The following PTN variants were observed in gnomAD, a reference collection of about 807,000 sequenced individuals.
PTN encodes heparin affin regulatory protein.
In PTN, 18 loss-of-function variants were observed where a neutral mutation model predicts 24.1. The ratio of observed to expected loss-of-function variants is 0.75; its 90% CI spans 0.52 to 1.11. The LOEUF (loss-of-function observed/expected upper bound fraction) is 1.11. PTN is among the 50% of genes least tolerant of loss of function. PTN has a pLI of 0.00. For synonymous variants in PTN, 78 were observed against 68.6 expected (o/e 1.14, Z -0.67); for missense variants, 163 against 198.8 (o/e 0.82, Z 1.08).
intron 1 of PTN, among the ~76,000 whole-genome samples, chr7:137,283,492 G>T (rs1266441795): frequency 6.6e-6 from 1 of 152,170 alleles, no homozygotes; most frequent in Non-Finnish European, 1.5e-5. Context: ...TATTCAGAGT[G>T]TTGCTTTGGG....
chr7:137,230,739 T>C (rs1254240303), intron 4 of PTN, among the ~76,000 whole-genome samples: 4 of 151,878 alleles, frequency 2.6e-5, no homozygotes, highest in South Asian at 2.1e-4. Context: ...TTACCTAGTA[T>C]ACATGATGGG....
chr7:137,311,205 C>G (rs1352108263), intron 1 of PTN, among the ~76,000 whole-genome samples: 2 of 145,992 alleles, frequency 1.4e-5, no homozygotes, highest in Non-Finnish European at 3.0e-5. Context: ...GCACACCAGC[C>G]TGGGTGACAG....
chr7:137,272,027 T>C (rs550320544), intron 1 of PTN, among the ~76,000 whole-genome samples: 2 of 152,314 alleles, frequency 1.3e-5, no homozygotes, highest in East Asian at 3.9e-4. Context: ...TTATACAAAG[T>C]CAATAAATGG....
At chr7:137,297,262 G>A (rs1396806892) in intron 1 of PTN, among the ~76,000 whole-genome samples, 1 of 152,058 alleles carries the variant, frequency 6.6e-6, no homozygotes, top group Admixed American at 6.6e-5. Context: ...TATAGTCTGT[G>A]GGATAAAGGG....
At chr7:137,325,786 C>G (rs1383112030) in intron 1 of PTN, 1 of 152,134 alleles carries the variant, frequency 6.6e-6, no homozygotes, top group Non-Finnish European at 1.5e-5. Context: ...AAAGAGCTGG[C>G]ATCTCTGCAT....
chr7:137,260,447 T>A (rs1248474783), intron 1 of PTN, among the ~76,000 whole-genome samples: 1 of 152,174 alleles, frequency 6.6e-6, no homozygotes, highest in Non-Finnish European at 1.5e-5. Context: ...ACTCATATAG[T>A]AATTATTTAT....
intron 1 of PTN, among the ~76,000 whole-genome samples, chr7:137,321,046 G>A (rs1426243213): frequency 1.3e-5 from 2 of 152,154 alleles, no homozygotes; most frequent in African/African-American, 2.4e-5. Context: ...CAGGTGTCCC[G>A]TTCAGAGCAT....
At chr7:137,342,389 C>T (rs141357012) in intron 1 of PTN, among the ~76,000 whole-genome samples, 3 of 152,202 alleles carry the variant, frequency 2.0e-5, no homozygotes, top group Admixed American at 6.5e-5. Context: ...GCTCAAGGAC[C>T]GCAGCTTTAA....
chr7:137,250,342 T>C (rs952110877), intron 4 of PTN, among the ~76,000 whole-genome samples: 9 of 152,322 alleles, frequency 5.9e-5, no homozygotes, highest in Admixed American at 2.0e-4. Flanking sequence ...TAGATGGCAT[T>C]CTTCTCCCTC....
chr7:137,227,944 C>A lies in PTN; in HGVS notation c.*76G>T. The A allele has an allele frequency of 1.3e-6, 2 of 1,560,192 alleles. No homozygotes were observed. The highest frequency in any genetic ancestry group is 1.7e-6 in the Non-Finnish European group (2 of 1,158,082). ...TATAGATAATTTTTGAATACAAAGC[C>A]TACGGTACATATAAATGCAATAGTT... On this transcript the variant is annotated 3_prime_UTR_variant, in exon 5 of 5. Transcript: ENST00000348225.
intron 1 of PTN, among the ~76,000 whole-genome samples, chr7:137,315,645 A>T (rs1364688145): frequency 6.6e-6 from 1 of 152,112 alleles, no homozygotes; most frequent in Non-Finnish European, 1.5e-5. Flanking sequence ...CCACCTAGTG[A>T]CTCTGGGCTT....
At chr7:137,237,865 T>A (rs990611101) in intron 4 of PTN, among the ~76,000 whole-genome samples, 8 of 152,170 alleles carry the variant, frequency 5.3e-5, no homozygotes, top group Non-Finnish European at 1.2e-4. Flanking sequence ...TAGGTGAAGA[T>A]CTGAAAATGT....
intron 4 of PTN, among the ~76,000 whole-genome samples, 170 bp downstream of exon 4, chr7:137,251,060 C>G (rs947578697): frequency 1.3e-5 from 2 of 152,176 alleles, no homozygotes; most frequent in Non-Finnish European, 2.9e-5. Flanking sequence ...CACAGGCTGC[C>G]TGCTTCAAAG....
chr7:137,279,128 A>C (rs2128875710), intron 1 of PTN, among the ~76,000 whole-genome samples: 1 of 151,932 alleles, frequency 6.6e-6, no homozygotes, highest in South Asian at 2.1e-4. Context: ...ATATACCAAT[A>C]TCCTAATAAA....
intron 1 of PTN, among the ~76,000 whole-genome samples, chr7:137,323,429 T>C (rs911316967): frequency 4.6e-5 from 7 of 152,204 alleles, no homozygotes; most frequent in Non-Finnish European, 1.0e-4. Context: ...AATTTTACTA[T>C]GGTAAAGTGA....
intron 1 of PTN, among the ~76,000 whole-genome samples, chr7:137,296,502 TG>T (rs1809720325): frequency 6.6e-6 from 1 of 152,032 alleles, no homozygotes; most frequent in Admixed American, 6.6e-5. Context: ...CTCTACCAAT[TG>T]CCAGATGCCA....
intron 1 of PTN, among the ~76,000 whole-genome samples, chr7:137,312,723 A>G (rs1383300135): frequency 1.3e-5 from 2 of 152,162 alleles, no homozygotes; most frequent in Non-Finnish European, 2.9e-5. Context: ...TTTTTAAAAT[A>G]AAAAAATTGA....
intron 3 of PTN, 60 bp downstream of exon 3, chr7:137,253,404 G>A (rs1808862506): frequency 8.9e-6 from 13 of 1,467,868 alleles, no homozygotes; most frequent in Non-Finnish European, 1.2e-5. Context: ...AAAGACATTT[G>A]GTGGAAAAAT....
chr7:137,236,880 C>T (rs1349405327), intron 4 of PTN, among the ~76,000 whole-genome samples: 1 of 151,966 alleles, frequency 6.6e-6, no homozygotes, highest in Non-Finnish European at 1.5e-5. Flanking sequence ...TATAATATAG[C>T]CAGTACTACT....
Sources: allele counts gnomAD v4.1 joint callset (sites outside exome capture counted in the v4.1 genomes callset), GRCh38; gene constraint gnomAD v4.1.1; transcripts MANE v1.5; gene names NCBI Gene and HGNC (gene_info 2026-07-23, HGNC 2026-07-21).